Variants in ATRNL1 observed in about 807,000 individuals in gnomAD.
The protein encoded by ATRNL1 is attractin like 1, also known as attractin-like protein 1.
Under a neutral mutation model 182.7 loss-of-function variants are expected in ATRNL1, and 95 were observed. The ratio of observed to expected loss-of-function variants is 0.52; its 90% CI spans 0.44 to 0.62. The LOEUF (loss-of-function observed/expected upper bound fraction) is 0.62, where lower values mean the gene tolerates loss of function less well. Among genes scored for constraint, ATRNL1 ranks in the 20% least tolerant of loss-of-function variants. The pLI is 0.00. For synonymous variants in ATRNL1, 576 were observed against 568.3 expected, an observed-to-expected ratio of 1.01 and a Z score of -0.19; for missense variants, 1,471 against 1,679.5, an observed-to-expected ratio of 0.88 and a Z score of 2.17.
At chr10:115,801,649 T>C (rs1949795907) in intron 27 of ATRNL1, among the ~76,000 whole-genome samples, 1 of 152,166 alleles carries the variant, frequency 6.6e-6, no homozygotes, top group South Asian at 2.1e-4. Context: ...CAGCTTAGTG[T>C]CAACATTAAC....
At chr10:115,471,137 G>C (rs1403411509) in intron 24 of ATRNL1, among the ~76,000 whole-genome samples, 1 of 150,474 alleles carries the variant, frequency 6.6e-6, no homozygotes, top group Non-Finnish European at 1.5e-5. Context: ...GCTTTTTAAA[G>C]GCTTAATAAT....
intron 21 of ATRNL1, among the ~76,000 whole-genome samples, chr10:115,457,649 AT>A (rs782559013): frequency 1.2e-4 from 18 of 151,744 alleles, no homozygotes; most frequent in Non-Finnish European, 2.4e-4. Context: ...GGCCTTTCTG[AT>A]TTTATTGAGA....
chr10:115,879,311 A>AAAAAAAAAAG (rs1163373262), intron 28 of ATRNL1, among the ~76,000 whole-genome samples: 4 of 151,220 alleles, frequency 2.6e-5, no homozygotes, highest in Admixed American at 6.6e-5. Context: ...ATCTCAAAAA[A>AAAAAAAAAAG]AAAAGAAAGA....
chr10:115,502,895 T>G (rs754152983), intron 24 of ATRNL1, among the ~76,000 whole-genome samples: 3 of 152,056 alleles, frequency 2.0e-5, no homozygotes, highest in Non-Finnish European at 2.9e-5. Context: ...AGTATAATTT[T>G]AAAAAAAGGC....
chr10:115,794,947 T>C lies in ATRNL1; in HGVS notation c.3904-52930T>C, dbSNP rs1949615527. ...TAATCTGTTACTATCATTATTTTGA[T>C]GCTCAAATTGTCCCAGATCTGAGAG... On this transcript the variant is annotated intron_variant, in intron 27 of 28. Coordinates refer to ENST00000355044, the MANE Select transcript of ATRNL1 (RefSeq NM_207303.4). Among the ~76,000 whole-genome samples the C allele has an allele frequency of 2.0e-5, 3 of 152,196 alleles. No homozygotes were observed. The South Asian group carries it at 6.2e-4, about 31-fold the overall frequency.
chr10:115,281,538 T>A (rs1456050102), intron 14 of ATRNL1, 51 bp downstream of exon 14: 1 of 1,554,370 alleles, frequency 6.4e-7, no homozygotes, highest in African/African-American at 1.4e-5. Flanking sequence ...AGATAAATAC[T>A]GACATAGAAA....
intron 24 of ATRNL1, among the ~76,000 whole-genome samples, chr10:115,507,716 C>T (rs1850185036): frequency 6.6e-6 from 1 of 152,040 alleles, no homozygotes; most frequent in Admixed American, 6.6e-5. Flanking sequence ...ATAGTAAGCA[C>T]TTTATGAATA....
chr10:115,937,477 A>G (rs1953596011), intron 28 of ATRNL1, among the ~76,000 whole-genome samples: 1 of 152,216 alleles, frequency 6.6e-6, no homozygotes, highest in Non-Finnish European at 1.5e-5. Flanking sequence ...TTGCCTAATA[A>G]TGACTTCACT....
At chr10:115,659,312 T>G (rs1860528481) in intron 26 of ATRNL1, among the ~76,000 whole-genome samples, 1 of 152,162 alleles carries the variant, frequency 6.6e-6, no homozygotes, top group African/African-American at 2.4e-5. Flanking sequence ...TTTGAATGTG[T>G]CATCTCTTTC....
At chr10:115,564,438 G>A (rs1853948888) in intron 26 of ATRNL1, among the ~76,000 whole-genome samples, 1 of 151,790 alleles carries the variant, frequency 6.6e-6, no homozygotes, top group Non-Finnish European at 1.5e-5. Flanking sequence ...AGCTAGAATT[G>A]AAGATAATTT....
At chr10:115,828,393 G>C (rs1433018275) in intron 27 of ATRNL1, among the ~76,000 whole-genome samples, 1 of 152,206 alleles carries the variant, frequency 6.6e-6, no homozygotes, top group East Asian at 1.9e-4. Flanking sequence ...ACTGCCTGCA[G>C]CTGTTAAGGC....
intron 26 of ATRNL1, among the ~76,000 whole-genome samples, chr10:115,637,849 T>A (rs782061204): frequency 1.3e-5 from 2 of 151,916 alleles, no homozygotes; most frequent in Non-Finnish European, 2.9e-5. Context: ...GGTCTCGAAC[T>A]CCTGACCTCG....
At chr10:115,379,896 A>G (rs675816) in intron 19 of ATRNL1, among the ~76,000 whole-genome samples, 111,357 of 152,132 alleles carry the variant, frequency 0.73, 41,939 homozygotes, top group African/African-American at 0.85. Flanking sequence ...GCGTGATCTC[A>G]GCTCATTGCA....
chr10:115,729,937 T>A lies in ATRNL1; in HGVS notation c.3903+2582T>A, dbSNP rs568995999. ...GCATTTCTTTTATTTTTCACTAAGA[T>A]TACCTCTCTAAAAGATTTTTTTCAA... On this transcript the variant is annotated intron_variant, in intron 27 of 28. Transcript: ENST00000355044. Among the ~76,000 whole-genome samples the A allele has an allele frequency of 9.2e-5, 14 of 152,158 alleles. No homozygotes were observed. The South Asian group carries it at 2.9e-3, about 32-fold the overall frequency.
intron 5 of ATRNL1, among the ~76,000 whole-genome samples, chr10:115,133,720 C>G (rs994216707): frequency 3.3e-5 from 5 of 152,162 alleles, no homozygotes; most frequent in Non-Finnish European, 5.9e-5. Flanking sequence ...ACAGAACTCT[C>G]CACCCCAATT....
At chr10:115,645,491 G>T (rs1208844297) in intron 26 of ATRNL1, among the ~76,000 whole-genome samples, 4 of 146,824 alleles carry the variant, frequency 2.7e-5, no homozygotes, top group Non-Finnish European at 6.0e-5. Context: ...ATATAATAGA[G>T]ATTTATATAT....
chr10:115,288,871 A>G (rs1204963784), intron 15 of ATRNL1, among the ~76,000 whole-genome samples: 2 of 151,534 alleles, frequency 1.3e-5, no homozygotes, highest in Admixed American at 1.3e-4. Context: ...GTTCTTTTCT[A>G]ATTCAGATTG....
intron 27 of ATRNL1, among the ~76,000 whole-genome samples, chr10:115,810,298 T>G (rs1950018257): frequency 6.6e-6 from 1 of 152,016 alleles, no homozygotes; most frequent in Admixed American, 6.6e-5. Flanking sequence ...GCTGGTTTCA[T>G]GAAATGACTG....
At chr10:115,623,903 A>G (rs1475137387) in intron 26 of ATRNL1, among the ~76,000 whole-genome samples, 2 of 152,146 alleles carry the variant, frequency 1.3e-5, no homozygotes, top group African/African-American at 4.8e-5. Context: ...TCTATTAGTC[A>G]CAGTAGGTAC....
Sources: gnomAD v4.1 joint callset for allele counts (sites outside exome capture counted in the v4.1 genomes callset) on GRCh38, gnomAD v4.1.1 for gene constraint, MANE v1.5 for transcripts, NCBI Gene and HGNC (gene_info 2026-07-23, HGNC 2026-07-21) for gene names.